NFATC2: variants seen among roughly 807,000 people sequenced by gnomAD.
NFATC2 encodes the protein nuclear factor of activated T-cells, cytoplasmic 2.
NFATC2 carries 22 observed loss-of-function variants against 87.3 expected under a neutral mutation model. That is an observed-to-expected ratio of 0.25 (90% CI 0.18 to 0.36). The LOEUF (loss-of-function observed/expected upper bound fraction) is 0.36, where lower values mean the gene tolerates loss of function less well. NFATC2 is among the 10% of genes least tolerant of loss of function. NFATC2 has a pLI of 1.00. For missense variants in NFATC2, 1,149 were observed against 1,259.1 expected (o/e 0.91, Z 1.32); for synonymous variants, 565 against 542.2 (o/e 1.04, Z -0.58).
intron 9 of NFATC2, among the ~76,000 whole-genome samples, chr20:51,410,977 T>C (rs1270210796): frequency 6.6e-6 from 1 of 152,104 alleles, no homozygotes; most frequent in East Asian, 1.9e-4. Context: ...CAGGTGTTGA[T>C]AGATGACAGT....
At chr20:51,423,502 T>C (rs1036308404) in intron 9 of NFATC2, among the ~76,000 whole-genome samples, 1 of 152,104 alleles carries the variant, frequency 6.6e-6, no homozygotes, top group African/African-American at 2.4e-5. Context: ...TTCTGCCCTG[T>C]GTTCTAGTAA....
At chr20:51,531,212 C>A (rs981310837) in intron 1 of NFATC2, among the ~76,000 whole-genome samples, 10 of 152,220 alleles carry the variant, frequency 6.6e-5, no homozygotes, top group Admixed American at 1.3e-4. Context: ...GGCTTTAGAG[C>A]CCCAGCATGG....
At position 51,523,394 on chromosome 20, in the gene NFATC2, CG is replaced by C; in HGVS notation, c.846del (p.His282GlnfsTer21). ...SRSPSPQPSS[H>X]VAPQDHGSPA... The stretch of plus-strand genomic sequence containing the variant: ...GGGGAGCCGTGGTCCTGGGGTGCCA[CG>C]TGAGATGAGGGCTGCGGCGAGGGGC... On this transcript the variant is annotated frameshift_variant, in exon 2 of 11. Transcript: ENST00000371564. LOFTEE classifies it high-confidence loss of function. This position sits in a 1 kb window ranked among gnomAD's most constrained non-coding sequence, Gnocchi z 6.9. 6.2e-7 allele frequency: 1 copy of C among 1,610,052 alleles called. No homozygotes were observed. Among genetic ancestry groups the C allele is most frequent in the Non-Finnish European group, 8.5e-7 (1 of 1,177,950 alleles).
intron 9 of NFATC2, among the ~76,000 whole-genome samples, chr20:51,407,134 T>C (rs1041054260): frequency 6.6e-6 from 1 of 152,166 alleles, no homozygotes; most frequent in Admixed American, 6.5e-5. Flanking sequence ...CACCTGCTGT[T>C]CTCTCTACTT....
At chr20:51,557,841 A>G (rs12106125) in intron 1 of NFATC2, among the ~76,000 whole-genome samples, 3,394 of 152,308 alleles carry the variant, frequency 0.022, 99 homozygotes, top group East Asian at 0.065. Flanking sequence ...CTGAAGATAC[A>G]GTGGTGACCA....
chr20:51,512,561 T>G (rs1360302583), intron 3 of NFATC2, among the ~76,000 whole-genome samples: 1 of 152,108 alleles, frequency 6.6e-6, no homozygotes, highest in Non-Finnish European at 1.5e-5. Flanking sequence ...GGGAACAAAC[T>G]TTCTCCCAAG....
intron 6 of NFATC2, among the ~76,000 whole-genome samples, chr20:51,438,919 T>C (rs746189836): frequency 1.5e-4 from 23 of 152,152 alleles, no homozygotes; most frequent in Non-Finnish European, 2.8e-4. Context: ...CATAATCTAA[T>C]AACAAAGGAG....
In NFATC2 at chr20:51,542,685, A is replaced by AGCG. The variant is rs1002525576; in HGVS notation, c.-189_-187dup. 4.9e-6 allele frequency: 5 copies of AGCG among 1,022,688 alleles called. No homozygotes were observed. Among genetic ancestry groups the AGCG allele is most frequent in the Non-Finnish European group, 4.7e-6 (4 of 857,244 alleles). The allele number at this position is 1,022,688 out of a possible 1,614,324, so 63.4% of individuals were successfully genotyped here. A position where few individuals can be genotyped will look rare whatever the true frequency, so the allele number is the denominator to read the frequency against. Reference sequence around the variant, plus strand: ...GTCCTGGACGCGCCCGGGGAAGCTGAGCGGCGGCGGCGACGGCGGCGCGAG... The same window carrying AGCG: ...GTCCTGGACGCGCCCGGGGAAGCTGAGCGGCGGCGGCGGCGACGGCGGCGCGAG... On this transcript the variant is annotated 5_prime_UTR_variant, in exon 1 of 11. Coordinates refer to ENST00000371564, the MANE Select transcript of NFATC2 (RefSeq NM_012340.5).
intron 5 of NFATC2, among the ~76,000 whole-genome samples, chr20:51,461,290 A>G (rs920978559): frequency 2.0e-5 from 3 of 151,884 alleles, no homozygotes; most frequent in Non-Finnish European, 4.4e-5. Flanking sequence ...CCTTTCTCCC[A>G]TTCATTTCTG....
chr20:51,444,850 C>A (rs530269256), intron 6 of NFATC2, among the ~76,000 whole-genome samples: 2 of 152,042 alleles, frequency 1.3e-5, no homozygotes, highest in African/African-American at 2.4e-5. Context: ...CAGGAATGGC[C>A]CCCCCAGCTT....
In NFATC2 at chr20:51,552,115, G is replaced by A. The variant is rs566581819; in HGVS notation, c.70+10445C>T. Among the ~76,000 whole-genome samples, 8 of 152,118 alleles carry A rather than the reference G, an allele frequency of 5.3e-5. No individual in the cohort carries two copies. In the South Asian group the frequency reaches 8.3e-4, roughly 16 times the overall value. ...TTTGGGAGGCCAAGGTGGGAGGATC[G>A]CTTGAGCCCAGGAGTTCAAGACCAG... On this transcript the variant is annotated intron_variant, in intron 1 of 10. Coordinates refer to the NFATC2 transcript ENST00000414705.
chr20:51,561,452 A>C (rs182281209), intron 1 of NFATC2, among the ~76,000 whole-genome samples: 2 of 112,626 alleles, frequency 1.8e-5, no homozygotes, highest in Non-Finnish European at 3.7e-5. Context: ...AGAAAGAAAG[A>C]AAGAAAGAAA....
chr20:51,434,733 C>T (rs770748539), intron 8 of NFATC2, among the ~76,000 whole-genome samples: 3 of 152,104 alleles, frequency 2.0e-5, no homozygotes, highest in Non-Finnish European at 2.9e-5. Context: ...GGAATGAGAC[C>T]TCCTGACCCG....
intron 1 of NFATC2, among the ~76,000 whole-genome samples, chr20:51,525,189 C>T (rs1356878434): frequency 2.6e-5 from 4 of 152,066 alleles, no homozygotes; most frequent in Non-Finnish European, 4.4e-5. Flanking sequence ...CACTGCATGC[C>T]GGCCTGGGTG....
In NFATC2 at chr20:51,508,970, C is replaced by T. The variant is rs565925798; in HGVS notation, c.1332+7814G>A. On this transcript the variant is annotated intron_variant, in intron 3 of 10. Transcript: ENST00000371564. Reference sequence around the variant, plus strand: ...AGCCAGGCCCTCCCAGCTCCCGCCTCGCTCAGAGTCCAAGTCCTCTAACTA... The same window carrying T: ...AGCCAGGCCCTCCCAGCTCCCGCCTTGCTCAGAGTCCAAGTCCTCTAACTA... 7.9e-5 allele frequency among the ~76,000 whole-genome samples: 12 copies of T among 152,232 alleles called. No homozygotes were observed. The East Asian group carries it at 1.7e-3, about 22-fold the overall frequency.
chr20:51,558,491 G>T (rs553789584), intron 1 of NFATC2, among the ~76,000 whole-genome samples: 1 of 151,928 alleles, frequency 6.6e-6, no homozygotes, highest in African/African-American at 2.4e-5. Context: ...TTTTGGGGGG[G>T]GGCGAGGTAA....
rs1986028122 is a variant in NFATC2 at position 51,388,745 on chromosome 20, A to T, written c.*2751T>A. On this transcript the variant is annotated 3_prime_UTR_variant, in exon 11 of 11. Coordinates refer to ENST00000371564, the MANE Select transcript of NFATC2 (RefSeq NM_012340.5). ...CAAACTTTGGAAATATACTACATTC[A>T]GCAACACGGTAGACCTGTCAGAGTG... 6.6e-6 allele frequency: 1 copy of T among 152,250 alleles called. No homozygotes were observed. The highest frequency in any genetic ancestry group is 2.4e-5 in the African/African-American group (1 of 41,458). The allele number at this position is 152,250 out of a possible 1,614,324, so 9.4% of individuals were successfully genotyped here.
intron 9 of NFATC2, among the ~76,000 whole-genome samples, chr20:51,420,152 T>G (rs1237040744): frequency 2.0e-5 from 3 of 152,216 alleles, no homozygotes; most frequent in Non-Finnish European, 4.4e-5. Flanking sequence ...CTATATGAAT[T>G]CTATCATTGT....
chr20:51,493,888 C>T (rs1390143759), intron 3 of NFATC2, among the ~76,000 whole-genome samples: 1 of 152,170 alleles, frequency 6.6e-6, no homozygotes, highest in East Asian at 1.9e-4. Context: ...CCAACCAAGT[C>T]TCAGATCCGA....
Sources: gnomAD v4.1 joint callset for allele counts (sites outside exome capture counted in the v4.1 genomes callset) on GRCh38, gnomAD v4.1.1 for gene constraint, Gnocchi (gnomAD v3.1) non-coding constraint, MANE v1.5 for transcripts, NCBI Gene and HGNC (gene_info 2026-07-23, HGNC 2026-07-21) for gene names.